The following GALNT10 variants were observed in gnomAD, a reference collection of about 807,000 sequenced individuals.
The protein encoded by GALNT10 is GalNAc transferase 10.
A neutral mutation model predicts 75.0 loss-of-function variants in GALNT10; 41 were observed. That is an observed-to-expected ratio of 0.55 (90% CI 0.43 to 0.71). The LOEUF (loss-of-function observed/expected upper bound fraction) is 0.71. GALNT10 is among the 30% of genes least tolerant of loss of function. GALNT10 has a pLI of 0.00. For missense variants in GALNT10, 727 were observed against 818.5 expected (o/e 0.89, Z 1.36); for synonymous variants, 302 against 313.0 (o/e 0.96, Z 0.37).
intron 4 of GALNT10, among the ~76,000 whole-genome samples, chr5:154,334,439 C>G (rs57347748): frequency 0.22 from 33,889 of 152,126 alleles, 4,132 homozygotes; most frequent in African/African-American, 0.33. Context: ...GAAAGATGGG[C>G]GTATAGGCTG....
In GALNT10 at chr5:154,410,644, T is replaced by C. The variant is rs373301685; in HGVS notation, c.1386+882T>C. Among the ~76,000 whole-genome samples, 30 of 152,318 alleles carry C rather than the reference T, an allele frequency of 2.0e-4. 2 individuals carry two copies. Among genetic ancestry groups the C allele is most frequent in the African/African-American group, 7.2e-4 (30 of 41,566 alleles). On this transcript the variant is annotated intron_variant, in intron 9 of 11. Transcript: ENST00000297107. The stretch of plus-strand genomic sequence containing the variant: ...GCAGTAACGCAAGTAAGAAAGAACA[T>C]GACAGGACTTGTTGGTCGTTCCTGC...
At chr5:154,207,361 T>C (rs1775127202) in intron 1 of GALNT10, among the ~76,000 whole-genome samples, 1 of 152,156 alleles carries the variant, frequency 6.6e-6, no homozygotes, top group Non-Finnish European at 1.5e-5. Context: ...CTGGTCTGGT[T>C]GCAGGGAGGT....
intron 4 of GALNT10, among the ~76,000 whole-genome samples, chr5:154,356,459 C>T (rs1361867679): frequency 6.6e-6 from 1 of 152,162 alleles, no homozygotes; most frequent in South Asian, 2.1e-4. Flanking sequence ...GGCCTGTCTG[C>T]CACAAACTTG....
intron 3 of GALNT10, among the ~76,000 whole-genome samples, chr5:154,307,387 G>A (rs901624606): frequency 6.6e-6 from 1 of 152,120 alleles, no homozygotes; most frequent in African/African-American, 2.4e-5. Flanking sequence ...TTGGGAGGCC[G>A]AGGTGGGCAG....
chr5:154,227,115 T>G (rs1561634685), intron 1 of GALNT10, among the ~76,000 whole-genome samples: 1 of 152,118 alleles, frequency 6.6e-6, no homozygotes, highest in Non-Finnish European at 1.5e-5. Context: ...TGTGGGTTGT[T>G]TCTAGTTTTG....
intron 3 of GALNT10, among the ~76,000 whole-genome samples, chr5:154,312,701 C>A (rs1754539197): frequency 6.6e-6 from 1 of 152,144 alleles, no homozygotes; most frequent in Non-Finnish European, 1.5e-5. Context: ...CATCCTGGAA[C>A]ACATATCTTT....
At chr5:154,293,774 A>G (rs114612424) in intron 1 of GALNT10, among the ~76,000 whole-genome samples, 1,739 of 151,914 alleles carry the variant, frequency 0.011, 14 homozygotes, top group Middle Eastern at 0.017. Flanking sequence ...GGCCACACAC[A>G]GCTTTGCCGT....
chr5:154,350,105 C>T (rs1254654153), intron 4 of GALNT10, among the ~76,000 whole-genome samples: 6 of 152,186 alleles, frequency 3.9e-5, no homozygotes, highest in South Asian at 2.1e-4. Context: ...ATGACACAGC[C>T]GTGAACATTT....
At chr5:154,228,874 C>T (rs1028383204) in intron 1 of GALNT10, among the ~76,000 whole-genome samples, 12 of 152,222 alleles carry the variant, frequency 7.9e-5, no homozygotes, top group Non-Finnish European at 1.8e-4. Flanking sequence ...TCTGGGTTCT[C>T]ATTTTCATTT....
chr5:154,286,504 A>T (rs1383714991), intron 1 of GALNT10, among the ~76,000 whole-genome samples: 1 of 152,174 alleles, frequency 6.6e-6, no homozygotes, highest in Admixed American at 6.5e-5. Flanking sequence ...CCCTTTAGAT[A>T]ACAGACATTC....
At chr5:154,279,846 C>T (rs537315011) in intron 1 of GALNT10, among the ~76,000 whole-genome samples, 7 of 152,012 alleles carry the variant, frequency 4.6e-5, no homozygotes, top group African/African-American at 7.3e-5. Context: ...TAATCAAATA[C>T]GTGTTTTATG....
intron 1 of GALNT10, among the ~76,000 whole-genome samples, chr5:154,261,588 C>T (rs931902307): frequency 6.6e-6 from 1 of 152,074 alleles, no homozygotes; most frequent in Admixed American, 6.6e-5. Flanking sequence ...TTCCTACTAC[C>T]GGAGGTATAT....
chr5:154,349,875 C>T (rs1755181364), intron 4 of GALNT10: 1 of 152,224 alleles, frequency 6.6e-6, no homozygotes. Flanking sequence ...CCTGGTCCCT[C>T]CTGAATTCCA....
At chr5:154,393,062 A>AAAAAAAAC (rs1211139151) in intron 7 of GALNT10, 7 of 127,318 alleles carry the variant, frequency 5.5e-5, no homozygotes, top group Middle Eastern at 3.8e-3. Flanking sequence ...CTCCACAAAA[A>AAAAAAAAC]AAAAAAAAAA....
At chr5:154,213,688 C>T (rs1223968327) in intron 1 of GALNT10, among the ~76,000 whole-genome samples, 2 of 152,108 alleles carry the variant, frequency 1.3e-5, no homozygotes, top group Admixed American at 6.5e-5. Flanking sequence ...CTCAAGTGAT[C>T]TTCCTGCTTC....
At chr5:154,290,444 C>T (rs1435920478) in intron 1 of GALNT10, among the ~76,000 whole-genome samples, 3 of 151,964 alleles carry the variant, frequency 2.0e-5, no homozygotes, top group Non-Finnish European at 2.9e-5. Context: ...TAGTTTTCCA[C>T]CCTACTGAAG....
intron 3 of GALNT10, among the ~76,000 whole-genome samples, chr5:154,310,050 G>A (rs1581967289): frequency 1.3e-5 from 2 of 152,176 alleles, no homozygotes; most frequent in South Asian, 4.1e-4. Context: ...TGGCGAGAGC[G>A]GTACCCATAA....
intron 1 of GALNT10, among the ~76,000 whole-genome samples, chr5:154,247,583 G>C (rs2113672171): frequency 6.6e-6 from 1 of 152,272 alleles, no homozygotes; most frequent in Middle Eastern, 3.4e-3. Flanking sequence ...TTGTGAATGG[G>C]AGTTCACTCA....
At chr5:154,256,240 C>T (rs1753607834) in intron 1 of GALNT10, among the ~76,000 whole-genome samples, 1 of 152,110 alleles carries the variant, frequency 6.6e-6, no homozygotes, top group Non-Finnish European at 1.5e-5. Context: ...CAACTGCTGT[C>T]ATGCAGGAAT....
Sources: allele counts gnomAD v4.1 joint callset (sites outside exome capture counted in the v4.1 genomes callset), GRCh38; gene constraint gnomAD v4.1.1; transcripts MANE v1.5; gene names NCBI Gene and HGNC (gene_info 2026-07-23, HGNC 2026-07-21).